Variants in LIMCH1 observed in about 807,000 individuals in gnomAD.
LIMCH1 encodes LIM and calponin homology domains-containing protein 1.
A neutral mutation model predicts 176.5 loss-of-function variants in LIMCH1; 113 were observed. The ratio of observed to expected loss-of-function variants is 0.64; its 90% CI spans 0.55 to 0.75. The LOEUF (loss-of-function observed/expected upper bound fraction) is 0.75. Among genes scored for constraint, LIMCH1 ranks in the 30% least tolerant of loss-of-function variants. The probability of loss-of-function intolerance (pLI) is 0.00; values close to 1 mark genes in which losing one functional copy is unlikely to be tolerated. For missense variants in LIMCH1, 1,674 were observed against 1,814.9 expected (o/e 0.92, Z 1.41); for synonymous variants, 619 against 645.9 (o/e 0.96, Z 0.63).
chr4:41,518,503 T>C (rs1194882399), intron 2 of LIMCH1, among the ~76,000 whole-genome samples: 1 of 152,210 alleles, frequency 6.6e-6, no homozygotes, highest in Non-Finnish European at 1.5e-5. Context: ...CAAAGAGTTA[T>C]TAAATGCAGT....
At chr4:41,572,158 C>G (rs762992179) in intron 1 of LIMCH1, among the ~76,000 whole-genome samples, 1 of 152,182 alleles carries the variant, frequency 6.6e-6, no homozygotes, top group Non-Finnish European at 1.5e-5. Context: ...CTTTGTCAAA[C>G]TTTTCTAAAC....
chr4:41,388,274 G>T (rs1438902721), intron 1 of LIMCH1, among the ~76,000 whole-genome samples: 1 of 152,212 alleles, frequency 6.6e-6, no homozygotes, highest in Non-Finnish European at 1.5e-5. Flanking sequence ...ACTGGTGAAA[G>T]AATAAAGGTG....
chr4:41,583,554 CT>C (rs775546416), intron 1 of LIMCH1, among the ~76,000 whole-genome samples: 5 of 152,144 alleles, frequency 3.3e-5, no homozygotes, highest in South Asian at 2.1e-4. Context: ...TTTGAATATA[CT>C]TTTTTTTCAA....
At chr4:41,587,247 T>A (rs6828395) in intron 1 of LIMCH1, among the ~76,000 whole-genome samples, 53,065 of 152,144 alleles carry the variant, frequency 0.35, 14,820 homozygotes, top group African/African-American at 0.78. Context: ...GATAGTTTTG[T>A]CTGCCCTAGG....
At chr4:41,498,536 A>AC (rs1424047570) in intron 2 of LIMCH1, among the ~76,000 whole-genome samples, 1 of 152,160 alleles carries the variant, frequency 6.6e-6, no homozygotes, top group Non-Finnish European at 1.5e-5. Flanking sequence ...AAATGGTGTG[A>AC]ACCCTCTTCT....
At chr4:41,579,342 C>T (rs1026392534) in intron 1 of LIMCH1, among the ~76,000 whole-genome samples, 6 of 152,152 alleles carry the variant, frequency 3.9e-5, no homozygotes, top group African/African-American at 1.4e-4. Flanking sequence ...TACGCAGTGG[C>T]ATTTACTGAG....
intron 1 of LIMCH1, among the ~76,000 whole-genome samples, chr4:41,553,280 A>G (rs924695240): frequency 2.6e-5 from 4 of 152,148 alleles, no homozygotes; most frequent in African/African-American, 9.6e-5. Flanking sequence ...GAGGCAGACA[A>G]TTTCAGTTTA....
chr4:41,428,505 C>G (rs1003129901), intron 1 of LIMCH1, among the ~76,000 whole-genome samples: 1 of 152,080 alleles, frequency 6.6e-6, no homozygotes, highest in Non-Finnish European at 1.5e-5. Flanking sequence ...TAGGGAGTGG[C>G]AGAGAAAGCA....
At chr4:41,505,706 G>T (rs2074058313) in intron 2 of LIMCH1, among the ~76,000 whole-genome samples, 1 of 152,028 alleles carries the variant, frequency 6.6e-6, no homozygotes, top group African/African-American at 2.4e-5. Flanking sequence ...CTACCTCTTT[G>T]TCCCATCTTT....
intron 18 of LIMCH1, among the ~76,000 whole-genome samples, chr4:41,659,399 A>G (rs1296832549): frequency 1.3e-5 from 2 of 152,180 alleles, no homozygotes; most frequent in African/African-American, 2.4e-5. Flanking sequence ...CATCCTCCAA[A>G]GAAAAATCAC....
At chr4:41,368,747 C>T (rs1428810674) in intron 1 of LIMCH1, among the ~76,000 whole-genome samples, 1 of 152,074 alleles carries the variant, frequency 6.6e-6, no homozygotes, top group East Asian at 1.9e-4. Context: ...GTACCTGCCT[C>T]GGAAGTTCTT....
chr4:41,528,873 C>G (rs139663689), intron 3 of LIMCH1, among the ~76,000 whole-genome samples: 153 of 152,290 alleles, frequency 1.0e-3, no homozygotes, highest in African/African-American at 3.5e-3. Context: ...CTGAGTTAAG[C>G]TGTGGTTACA....
At chr4:41,680,249 G>A in intron 24 of LIMCH1, 151 bp downstream of exon 24, 1 of 629,402 alleles carries the variant, frequency 1.6e-6, no homozygotes, top group Non-Finnish European at 2.9e-6. Context: ...AAACAGTCAT[G>A]TCATTTAGGT....
rs115125340 is a variant in LIMCH1, at chr4:41,500,050, C to T, written c.167+5444C>T. 3.7e-3 allele frequency among the ~76,000 whole-genome samples: 558 copies of T among 152,290 alleles called. 2 individuals are homozygous for T. Among genetic ancestry groups the T allele is most frequent in the African/African-American group, 0.013 (520 of 41,570 alleles). On this transcript the variant is annotated intron_variant, in intron 2 of 26. Coordinates refer to the LIMCH1 transcript ENST00000313860. The stretch of plus-strand genomic sequence containing the variant: ...AGGTTAGACAGTTATAGCAAGACCA[C>T]GTGGGTGATGTTCTTGGCATGGGAC...
chr4:41,626,612 A>G lies in LIMCH1; in HGVS notation c.726-96A>G, dbSNP rs78919445. 1,011 of 968,744 alleles carry G rather than the reference A, an allele frequency of 1.0e-3. 9 individuals are homozygous for G. The African/African-American group carries it at 0.016, about 15-fold the overall frequency. The allele number at this position is 968,744 out of a possible 1,614,324, so 60.0% of individuals were successfully genotyped here. On this transcript the variant is annotated intron_variant, in intron 7 of 31. Coordinates refer to ENST00000503057, the MANE Select transcript of LIMCH1 (RefSeq NM_001330672.2). ...CATTTGAACTAACAATATCGAGAAG[A>G]CTTTTCACTAACAACACAGTTGTCT...
At chr4:41,380,354 C>T (rs757495769) in intron 1 of LIMCH1, among the ~76,000 whole-genome samples, 18 of 151,940 alleles carry the variant, frequency 1.2e-4, no homozygotes, top group Non-Finnish European at 2.6e-4. Context: ...ACTTTGTTGC[C>T]TAGGCTGGCC....
intron 2 of LIMCH1, among the ~76,000 whole-genome samples, chr4:41,509,045 T>G (rs569143648): frequency 7.3e-4 from 111 of 152,240 alleles, no homozygotes; most frequent in Non-Finnish European, 1.3e-3. Flanking sequence ...CAATGGCTGA[T>G]TAGTAGAGCA....
At chr4:41,608,725 A>G (rs1420229211) in intron 4 of LIMCH1, among the ~76,000 whole-genome samples, 4 of 152,104 alleles carry the variant, frequency 2.6e-5, no homozygotes, top group Admixed American at 2.6e-4. Flanking sequence ...TTTCACTGAG[A>G]CTGGATATGT....
intron 2 of LIMCH1, among the ~76,000 whole-genome samples, chr4:41,600,318 G>T (rs2089691686): frequency 6.6e-6 from 1 of 152,112 alleles, no homozygotes; most frequent in Non-Finnish European, 1.5e-5. Context: ...ATAAACCATT[G>T]TTCACTTTAG....
Sources: gnomAD v4.1 joint callset for allele counts (sites outside exome capture counted in the v4.1 genomes callset) on GRCh38, gnomAD v4.1.1 for gene constraint, MANE v1.5 for transcripts, NCBI Gene and HGNC (gene_info 2026-07-23, HGNC 2026-07-21) for gene names.